FAT1: variants seen among roughly 807,000 people sequenced by gnomAD.
The protein encoded by FAT1 is protocadherin Fat 1.
A neutral mutation model predicts 329.8 loss-of-function variants in FAT1; 171 were observed. The observed-to-expected ratio is 0.52, with a 90% CI of 0.46 to 0.59. FAT1 has a LOEUF of 0.59. Among genes scored for constraint, FAT1 ranks in the 20% least tolerant of loss-of-function variants. FAT1 has a pLI of 0.00. For synonymous variants in FAT1, 2,233 were observed against 2,228.6 expected (o/e 1.00, Z -0.06); for missense variants, 5,672 against 5,774.4 (o/e 0.98, Z 0.57).
Position 186,603,196 on chromosome 4 carries a change from G to T in FAT1, c.11330C>A (p.Ala3777Glu). 6.2e-7 allele frequency: 1 copy of T among 1,613,714 alleles called. No homozygotes were observed. The highest frequency in any genetic ancestry group is 8.5e-7 in the Non-Finnish European group (1 of 1,179,790). ...AGTACCTTTGCAGAGACACACCGCT[G>T]CCCTGTGGTGGCGGGGAGTCACAAA... ...LSFVTPRHHRAAVCLCKEGRC... is the reference protein window; with the variant it reads ...LSFVTPRHHREAVCLCKEGRC... Residue 3777 changes from alanine (A) to glutamate (E), a missense_variant, in exon 19 of 27, where the codon GCA (alanine) becomes GAA (glutamate). Coordinates refer to ENST00000441802, the MANE Select transcript of FAT1 (RefSeq NM_005245.4).
chr4:186,627,976 A>C (rs1465428801), intron 9 of FAT1, among the ~76,000 whole-genome samples, 178 bp downstream of exon 9: 3 of 147,454 alleles, frequency 2.0e-5, no homozygotes, highest in African/African-American at 5.0e-5. Flanking sequence ...TGATGGGCTA[A>C]AAGTTAAAAA....
Position 186,722,105 on chromosome 4 carries a change from T to G in FAT1, c.-19+1559A>C, listed in dbSNP as rs569587091. On this transcript the variant is annotated intron_variant, in intron 1 of 26. Transcript: ENST00000441802. ...CGCCCGCCTCGACCTCCCATAGGGC[T>G]GGGTTTACAGGCGTGAGGCACTACG... 2.4e-3 allele frequency among the ~76,000 whole-genome samples: 368 copies of G among 152,366 alleles called. 3 individuals carry two copies. Among genetic ancestry groups the G allele is most frequent in the African/African-American group, 8.4e-3 (351 of 41,592 alleles).
At chr4:186,624,817 A>G (rs754724070) in intron 9 of FAT1, among the ~76,000 whole-genome samples, 1 of 152,252 alleles carries the variant, frequency 6.6e-6, no homozygotes, top group East Asian at 1.9e-4. Flanking sequence ...TGAACATTTT[A>G]TAGTTCGTAC....
rs200317997 is a variant in FAT1 at position 186,636,623 on chromosome 4, T to C, written c.3934A>G (p.Lys1312Glu). The change falls in exon 5 of 27, where the codon AAG becomes GAG. Residue 1312 changes from lysine (K) to glutamate (E), a missense_variant. Coordinates refer to ENST00000441802, the MANE Select transcript of FAT1 (RefSeq NM_005245.4). ...TATTCTCCAGCTGCTGAAAACCTCT[T>C]GGACGAAACCACTCCAGTTTTCGGT... ...IEPKTGVVSS[K>E]RFSAAGEYDI... 7 of 1,613,576 alleles carry C rather than the reference T, an allele frequency of 4.3e-6. No homozygotes were observed. The highest frequency in any genetic ancestry group is 5.9e-6 in the Non-Finnish European group (7 of 1,179,716).
At chr4:186,712,457 C>T (rs1018791921) in intron 1 of FAT1, among the ~76,000 whole-genome samples, 5 of 152,096 alleles carry the variant, frequency 3.3e-5, no homozygotes, top group Non-Finnish European at 7.4e-5. Context: ...TGAGCATCTA[C>T]TATGTATCAG....
At chr4:186,709,967 A>G in intron 1 of FAT1, 122 bp from the exon 2 acceptor site, 2 of 854,584 alleles carry the variant, frequency 2.3e-6, no homozygotes, top group Non-Finnish European at 1.7e-6. Flanking sequence ...AATAAATGCA[A>G]CGGTTTGGGA....
chr4:186,696,034 G>A (rs759859079), intron 2 of FAT1, among the ~76,000 whole-genome samples: 41 of 152,178 alleles, frequency 2.7e-4, no homozygotes, highest in Non-Finnish European at 4.9e-4. Flanking sequence ...CAGATGATCC[G>A]CCCGCCTTCA....
chr4:186,619,536 G>A lies in FAT1; in HGVS notation c.7050C>T (p.Tyr2350=), dbSNP rs373205385. ...GLISLLRTLD[Y]EQSRQHTIFV... is the part of the protein sequence containing the mutation. ...AAATCGTGTGCTGCCGGGACTGCTCGTAATCCAGGGTTCTGAGTAGTGAGA... is the reference window on the plus strand; with the variant it reads ...AAATCGTGTGCTGCCGGGACTGCTCATAATCCAGGGTTCTGAGTAGTGAGA... Residue 2350 remains tyrosine, a synonymous_variant, in exon 10 of 27, where the codon TAC becomes TAT. Transcript: ENST00000441802. 1.9e-4 allele frequency: 310 copies of A among 1,613,938 alleles called. No individual in the cohort carries two copies. The South Asian group carries it at 2.5e-3, about 13-fold the overall frequency.
chr4:186,599,894 C>A lies in FAT1; in HGVS notation c.12103+4G>T. ...TTTAAAGATGGCAACATTACGGAGC[C>A]CACCTCCAGCAGGTGACGGATTGCA... On this transcript the variant is annotated splice_donor_region_variant and intron_variant, in intron 22 of 26. Transcript: ENST00000441802. 6.2e-7 allele frequency: 1 copy of A among 1,604,392 alleles called. No homozygotes were observed. Among genetic ancestry groups the A allele is most frequent in the East Asian group, 2.2e-5 (1 of 44,736 alleles).
rs747017523 is a variant in FAT1, at chr4:186,597,001, G to T, written c.12539C>A (p.Ala4180Glu). 58 of 1,613,754 alleles carry T rather than the reference G, an allele frequency of 3.6e-5. No individual in the cohort carries two copies. Among genetic ancestry groups the T allele is most frequent in the Non-Finnish European group, 4.5e-5 (53 of 1,179,876 alleles). ...YVSTPWNIGL[A>E]EGIGIVVFVA... ...AAACACAACGATTCCAATTCCTTCC[G>T]CCAACCCAATGTTCCACGGCGTGGA... The change falls in exon 25 of 27, where the codon GCG becomes GAG. Residue 4180 changes from alanine (A) to glutamate (E), a missense_variant. Ala to Glu is a moderately radical substitution (Grantham distance 107). Transcript: ENST00000441802.
chr4:186,593,958 G>T (rs570629482), intron 26 of FAT1, among the ~76,000 whole-genome samples: 1 of 152,164 alleles, frequency 6.6e-6, no homozygotes, highest in South Asian at 2.1e-4. Context: ...TTACATTATG[G>T]TAATGAGTAA....
Position 186,708,396 on chromosome 4 carries a change from T to C in FAT1, c.1432A>G (p.Ile478Val), listed in dbSNP as rs766500735. 5.6e-6 allele frequency: 9 copies of C among 1,613,848 alleles called. No individual in the cohort carries two copies. Among genetic ancestry groups the C allele is most frequent in the Middle Eastern group, 1.6e-4 (1 of 6,084 alleles). ...YKAAFDENVP[I>V]GTTVMSLSAV... is the part of the protein sequence containing the mutation. ...CTCAGGCTCATGACAGTAGTACCAA[T>C]GGGCACGTTCTCATCAAAAGCAGCT... is the stretch of plus-strand genomic sequence containing the variant. Residue 478 changes from isoleucine to valine, a missense_variant, in exon 2 of 27, where the codon ATT (isoleucine) becomes GTT (valine). Physicochemically the swap from Ile to Val is conservative, Grantham distance 29. This residue lies in a region of FAT1 where 3,966 missense variants were observed against 3,915.2 expected (regional missense o/e 1.01). Coordinates refer to ENST00000441802, the MANE Select transcript of FAT1 (RefSeq NM_005245.4).
At chr4:186,628,943 T>C (rs1321819326) in intron 7 of FAT1, among the ~76,000 whole-genome samples, 180 bp from the exon 8 acceptor site, 1 of 152,232 alleles carries the variant, frequency 6.6e-6, no homozygotes, top group Admixed American at 6.5e-5. Flanking sequence ...GGTATATTAC[T>C]TATCTAAATA....
intron 9 of FAT1, among the ~76,000 whole-genome samples, chr4:186,622,564 G>C (rs997705321): frequency 1.3e-5 from 2 of 152,184 alleles, no homozygotes; most frequent in African/African-American, 4.8e-5. Flanking sequence ...CTGAAGCTGA[G>C]AGGCTGCTCA....
intron 2 of FAT1, among the ~76,000 whole-genome samples, chr4:186,681,502 G>A (rs930445625): frequency 6.6e-6 from 1 of 152,168 alleles, no homozygotes; most frequent in Non-Finnish European, 1.5e-5. Flanking sequence ...GCGGTGTTCG[G>A]AAGAGAACTT....
rs371284855 is a variant in FAT1, at chr4:186,636,712, C to A, written c.3845G>T (p.Gly1282Val). ...YHVIATDKDE[G>V]PNAEISYSIE... is the part of the protein sequence containing the mutation. ...GCTGTAGGAGATTTCTGCATTGGGG[C>A]CCTCATCCTTGTCGGTGGCTATGAC... Residue 1282 changes from glycine to valine, a missense_variant, in exon 5 of 27, where the codon GGC (glycine) becomes GTC (valine). Physicochemically the swap from Gly to Val is moderately radical, Grantham distance 109. Transcript: ENST00000441802. 6.2e-7 allele frequency: 1 copy of A among 1,613,738 alleles called. No homozygotes were observed. Among genetic ancestry groups the A allele is most frequent in the African/African-American group, 1.3e-5 (1 of 74,888 alleles).
chr4:186,717,823 C>T (rs1745285644), intron 1 of FAT1, among the ~76,000 whole-genome samples: 1 of 152,096 alleles, frequency 6.6e-6, no homozygotes, highest in South Asian at 2.1e-4. Context: ...GTGCTATTCT[C>T]TTCTTTCCCC....
At chr4:186,675,424 G>A (rs919907900) in intron 2 of FAT1, among the ~76,000 whole-genome samples, 3 of 151,986 alleles carry the variant, frequency 2.0e-5, no homozygotes, top group African/African-American at 7.2e-5. Flanking sequence ...TTGAGATTGC[G>A]CCACCGCACT....
chr4:186,592,423 T>C (rs975354945), intron 26 of FAT1, among the ~76,000 whole-genome samples: 1 of 151,958 alleles, frequency 6.6e-6, no homozygotes, highest in African/African-American at 2.4e-5. Flanking sequence ...ACTTCTGAAC[T>C]TTTTCTTGAT....
Sources: allele counts gnomAD v4.1 joint callset (sites outside exome capture counted in the v4.1 genomes callset), GRCh38; gene constraint gnomAD v4.1.1; regional missense constraint gnomAD v4.1.1; transcripts MANE v1.5; gene names NCBI Gene and HGNC (gene_info 2026-07-23, HGNC 2026-07-21).